The following UNC5C variants were observed in gnomAD, a reference collection of about 807,000 sequenced individuals.
UNC5C encodes the protein netrin receptor UNC5C.
Under a neutral mutation model 99.8 loss-of-function variants are expected in UNC5C, and 47 were observed. The ratio of observed to expected loss-of-function variants is 0.47; its 90% CI spans 0.37 to 0.60. The LOEUF is 0.60. Among genes scored for constraint, UNC5C ranks in the 20% least tolerant of loss-of-function variants. UNC5C has a pLI of 0.00. For missense variants in UNC5C, 1,062 were observed against 1,165.9 expected (o/e 0.91, Z 1.30); for synonymous variants, 487 against 452.2 (o/e 1.08, Z -0.98).
intron 2 of UNC5C, among the ~76,000 whole-genome samples, chr4:95,310,630 T>C (rs1275966506): frequency 6.6e-6 from 1 of 152,210 alleles, no homozygotes; most frequent in Non-Finnish European, 1.5e-5. Context: ...ACTGAGTGGT[T>C]CAAGGGATTT....
At chr4:95,487,356 A>G (rs1013573373) in intron 1 of UNC5C, among the ~76,000 whole-genome samples, 4 of 151,810 alleles carry the variant, frequency 2.6e-5, no homozygotes, top group South Asian at 2.1e-4. Flanking sequence ...GAGGTAGCAT[A>G]TTCTCTAAGG....
intron 1 of UNC5C, among the ~76,000 whole-genome samples, chr4:95,519,554 T>A (rs1002558325): frequency 1.3e-5 from 2 of 151,952 alleles, no homozygotes; most frequent in African/African-American, 4.8e-5. Flanking sequence ...AAAAACAAAC[T>A]TTTCCTACTT....
chr4:95,219,633 A>T (rs761364280), intron 8 of UNC5C, among the ~76,000 whole-genome samples: 1 of 152,200 alleles, frequency 6.6e-6, no homozygotes, highest in East Asian at 1.9e-4. Context: ...TCCCTGGTCT[A>T]TACTGGATTT....
At chr4:95,341,490 A>C (rs747948720) in intron 1 of UNC5C, among the ~76,000 whole-genome samples, 3 of 139,310 alleles carry the variant, frequency 2.2e-5, no homozygotes, top group Non-Finnish European at 4.7e-5. Context: ...GAGAGAAAGA[A>C]AGAAAGAAGA....
intron 14 of UNC5C, among the ~76,000 whole-genome samples, chr4:95,171,664 G>A (rs1054535411): frequency 3.2e-4 from 49 of 151,038 alleles, no homozygotes; most frequent in African/African-American, 1.1e-3. Context: ...TTGGTTCCAA[G>A]TCTTTGCTAT....
intron 7 of UNC5C, among the ~76,000 whole-genome samples, chr4:95,222,923 T>C (rs1738527557): frequency 1.3e-5 from 2 of 152,206 alleles, no homozygotes; most frequent in South Asian, 4.1e-4. Context: ...TTGAAATCAT[T>C]AGAAAATCAA....
chr4:95,512,264 TACATATTCATACACACAGGC>T (rs1405527846), intron 1 of UNC5C, among the ~76,000 whole-genome samples: 1 of 152,154 alleles, frequency 6.6e-6, no homozygotes, highest in Non-Finnish European at 1.5e-5. Context: ...GTATTTTACA[TACATATTCATACACACAGGC>T]ACACCACTCT....
intron 1 of UNC5C, among the ~76,000 whole-genome samples, chr4:95,360,809 A>G (rs1431203358): frequency 6.6e-6 from 1 of 152,190 alleles, no homozygotes; most frequent in African/African-American, 2.4e-5. Flanking sequence ...ACCTCCAAAA[A>G]AGAAATTAGA....
At chr4:95,533,589 ATTCT>A (rs1278354250) in intron 1 of UNC5C, among the ~76,000 whole-genome samples, 1 of 152,150 alleles carries the variant, frequency 6.6e-6, no homozygotes, top group Non-Finnish European at 1.5e-5. Context: ...AAATAATTTA[ATTCT>A]TTATTTGTTT....
intron 14 of UNC5C, 101 bp from the exon 15 acceptor site, chr4:95,170,433 A>AGAAT: frequency 7.4e-7 from 1 of 1,343,362 alleles, no homozygotes; most frequent in East Asian, 2.3e-5. Context: ...TGATAAGAAA[A>AGAAT]GAATGAATGC....
At chr4:95,260,198 T>C (rs1481349642) in intron 4 of UNC5C, among the ~76,000 whole-genome samples, 2 of 152,184 alleles carry the variant, frequency 1.3e-5, no homozygotes, top group East Asian at 1.9e-4. Flanking sequence ...CATTAAAAAC[T>C]ATAGATTTTA....
intron 1 of UNC5C, among the ~76,000 whole-genome samples, chr4:95,527,736 A>G (rs1722534989): frequency 6.6e-6 from 1 of 152,124 alleles, no homozygotes; most frequent in African/African-American, 2.4e-5. Flanking sequence ...ATTTGAGAGA[A>G]TGTGGGGTGA....
At chr4:95,368,576 T>C (rs1182756267) in intron 1 of UNC5C, among the ~76,000 whole-genome samples, 1 of 152,144 alleles carries the variant, frequency 6.6e-6, no homozygotes, top group Non-Finnish European at 1.5e-5. Flanking sequence ...TGTAAGCCAG[T>C]TATGACTTAC....
chr4:95,213,109 G>A (rs1243410607), intron 10 of UNC5C, among the ~76,000 whole-genome samples: 2 of 152,208 alleles, frequency 1.3e-5, no homozygotes, highest in Admixed American at 1.3e-4. Flanking sequence ...GCTCCCTGCG[G>A]TTTACAGAAA....
intron 14 of UNC5C, among the ~76,000 whole-genome samples, chr4:95,176,192 C>T (rs1736334825): frequency 6.6e-6 from 1 of 152,196 alleles, no homozygotes; most frequent in African/African-American, 2.4e-5. Context: ...GTTTGAATTT[C>T]CTCCCATAGC....
intron 4 of UNC5C, among the ~76,000 whole-genome samples, chr4:95,255,716 C>G (rs1351763554): frequency 6.6e-6 from 1 of 152,106 alleles, no homozygotes; most frequent in Non-Finnish European, 1.5e-5. Context: ...TTCAATTTCC[C>G]TTGATACTGA....
At chr4:95,227,728 G>A (rs540422536) in intron 7 of UNC5C, among the ~76,000 whole-genome samples, 20 of 152,274 alleles carry the variant, frequency 1.3e-4, no homozygotes, top group East Asian at 1.2e-3. Flanking sequence ...GAGAAAGGAT[G>A]TTTGCAAAGT....
intron 1 of UNC5C, among the ~76,000 whole-genome samples, chr4:95,442,204 T>A (rs1394455286): frequency 1.3e-5 from 2 of 151,976 alleles, no homozygotes; most frequent in Non-Finnish European, 2.9e-5. Context: ...ATTGTTTGTT[T>A]ATTTGTTTGT....
intron 2 of UNC5C, among the ~76,000 whole-genome samples, chr4:95,325,112 A>G (rs1421752730): frequency 6.6e-6 from 1 of 152,216 alleles, no homozygotes; most frequent in African/African-American, 2.4e-5. Context: ...TATATAAGGC[A>G]TGTGGTAAAG....
Sources: allele counts gnomAD v4.1 joint callset (sites outside exome capture counted in the v4.1 genomes callset), GRCh38; gene constraint gnomAD v4.1.1; transcripts MANE v1.5; gene names NCBI Gene and HGNC (gene_info 2026-07-23, HGNC 2026-07-21).